The following ZC3H12B variants were observed in gnomAD, a reference collection of about 807,000 sequenced individuals.
The protein encoded by ZC3H12B is zinc finger CCCH-type containing 12B.
A neutral mutation model predicts 43.9 loss-of-function variants in ZC3H12B; 7 were observed. That is an observed-to-expected ratio of 0.16 (90% CI 0.09 to 0.30). The LOEUF is 0.30. Among genes scored for constraint, ZC3H12B ranks in the 10% least tolerant of loss-of-function variants. The pLI, the probability that ZC3H12B is intolerant of heterozygous loss-of-function variation, is 1.00. For synonymous variants in ZC3H12B, 222 were observed against 241.7 expected (o/e 0.92, Z 0.76); for missense variants, 475 against 670.2 (o/e 0.71, Z 3.22).
At chrX:65,240,505 T>A in the ZC3H12B span, among the ~76,000 whole-genome samples, 6 of 111,844 alleles carry the variant, frequency 5.4e-5, no homozygotes, top group Admixed American at 9.5e-5. Flanking sequence ...TGCATTGGGC[T>A]AGAACATGCT....
At chrX:65,229,955 A>T in the ZC3H12B span, among the ~76,000 whole-genome samples, 2 of 111,905 alleles carry the variant, frequency 1.8e-5, no homozygotes. Context: ...AACTAGTTCA[A>T]CCATTGTGGA....
chrX:65,465,689 A>T (rs1367462011), intron 3 of ZC3H12B, among the ~76,000 whole-genome samples: 1 of 110,438 alleles, frequency 9.1e-6, no homozygotes, highest in African/African-American at 3.3e-5. Flanking sequence ...TTTTCCTCCA[A>T]TACTGCCTTA....
At chrX:65,207,592 T>C in the ZC3H12B span, among the ~76,000 whole-genome samples, 1 of 109,918 alleles carries the variant, frequency 9.1e-6, no homozygotes, top group African/African-American at 3.3e-5. Context: ...TAAAGAACTT[T>C]TGAGAAGTCA....
chrX:65,053,960 C>T, the ZC3H12B span, among the ~76,000 whole-genome samples: 1 of 103,996 alleles, frequency 9.6e-6, no homozygotes, highest in East Asian at 2.9e-4. Context: ...GGGTTGTTTG[C>T]TTTTTTCTTG....
At chrX:65,211,979 T>A in the ZC3H12B span, among the ~76,000 whole-genome samples, 1 of 69,482 alleles carries the variant, frequency 1.4e-5, no homozygotes, top group African/African-American at 6.1e-5. Context: ...ATGTATACTA[T>A]ATAATATATA....
rs182998736 is a variant in ZC3H12B at position 65,463,523 on chromosome X, A to T, written n.408-25123A>T. Among the ~76,000 whole-genome samples, 531 of 111,509 alleles carry T rather than the reference A, an allele frequency of 4.8e-3. 2 individuals are homozygous for T. The highest frequency in any genetic ancestry group is 8.1e-3 in the Non-Finnish European group (429 of 53,060). Reference sequence around the variant, plus strand: ...GGTCAATAGAAATTTATTTTCTCACAATTCTGGAGGCCAGAAGTCTGAAAT... The same window carrying T: ...GGTCAATAGAAATTTATTTTCTCACTATTCTGGAGGCCAGAAGTCTGAAAT... On this transcript the variant is annotated intron_variant and non_coding_transcript_variant, in intron 3 of 5. Coordinates refer to the ZC3H12B transcript ENST00000617377.
the ZC3H12B span, among the ~76,000 whole-genome samples, chrX:65,221,782 C>G: frequency 2.7e-5 from 3 of 110,650 alleles, no homozygotes; most frequent in Non-Finnish European, 5.7e-5. Flanking sequence ...AGAATTGGTG[C>G]AAGTCCTGTT....
At chrX:65,036,839 G>A in the ZC3H12B span, among the ~76,000 whole-genome samples, 1 of 110,401 alleles carries the variant, frequency 9.1e-6, no homozygotes, top group Non-Finnish European at 1.9e-5. Context: ...ATCCAATCTA[G>A]TATTCCATTG....
the ZC3H12B span, among the ~76,000 whole-genome samples, chrX:65,211,452 A>T: frequency 4.7e-5 from 5 of 107,299 alleles, no homozygotes; most frequent in Non-Finnish European, 7.7e-5. Context: ...ACCATGCTAA[A>T]TTCTTTAATA....
At chrX:65,431,399 T>C (rs1035863102) in intron 3 of ZC3H12B, among the ~76,000 whole-genome samples, 2 of 112,513 alleles carry the variant, frequency 1.8e-5, no homozygotes, top group African/African-American at 6.5e-5. Flanking sequence ...TATTTGTTTT[T>C]GTTGCTGGCA....
At chrX:65,219,330 A>T in the ZC3H12B span, among the ~76,000 whole-genome samples, 2 of 112,134 alleles carry the variant, frequency 1.8e-5, no homozygotes, top group Admixed American at 9.5e-5. Context: ...TTGCCAAAAA[A>T]AGAATTCAGA....
the ZC3H12B span, among the ~76,000 whole-genome samples, chrX:65,108,228 A>C: frequency 9.0e-6 from 1 of 111,147 alleles, no homozygotes; most frequent in Non-Finnish European, 1.9e-5. Context: ...TTTATTTTTA[A>C]ATTTTTAATA....
At chrX:65,477,592 T>A (rs1484939334) in intron 3 of ZC3H12B, among the ~76,000 whole-genome samples, 2 of 109,999 alleles carry the variant, frequency 1.8e-5, no homozygotes, top group Non-Finnish European at 3.8e-5. Context: ...TGAGGTCAGG[T>A]CTCTACTAAA....
At chrX:65,263,493 C>A in the ZC3H12B span, among the ~76,000 whole-genome samples, 1 of 110,335 alleles carries the variant, frequency 9.1e-6, no homozygotes, top group Non-Finnish European at 1.9e-5. Context: ...ATTAATGGAA[C>A]CATGGTTACA....
chrX:65,326,259 C>T, the ZC3H12B span, among the ~76,000 whole-genome samples: 1 of 111,393 alleles, frequency 9.0e-6, no homozygotes, highest in Admixed American at 9.6e-5. Context: ...TATTTGAAAG[C>T]CATATATTTG....
At chrX:65,083,499 C>A in the ZC3H12B span, among the ~76,000 whole-genome samples, 5 of 111,608 alleles carry the variant, frequency 4.5e-5, no homozygotes, top group African/African-American at 1.6e-4. Context: ...AAAGAGTAAT[C>A]CCATTTACAA....
the ZC3H12B span, among the ~76,000 whole-genome samples, chrX:65,044,119 C>T: frequency 9.0e-6 from 1 of 111,397 alleles, no homozygotes; most frequent in Non-Finnish European, 1.9e-5. Flanking sequence ...GCTGATAAAA[C>T]AAGATAAGGG....
the ZC3H12B span, among the ~76,000 whole-genome samples, chrX:65,213,433 G>A: frequency 2.7e-5 from 3 of 111,238 alleles, no homozygotes; most frequent in Admixed American, 9.7e-5. Flanking sequence ...GGGTATACAG[G>A]TTGAGTATGT....
intron 2 of ZC3H12B, among the ~76,000 whole-genome samples, chrX:65,381,243 A>G (rs1482841371): frequency 2.7e-5 from 3 of 111,884 alleles, no homozygotes; most frequent in Non-Finnish European, 5.6e-5. Context: ...CAGAAATTAT[A>G]ACAAACTATC....
Sources: gnomAD v4.1 joint callset for allele counts (sites outside exome capture counted in the v4.1 genomes callset) on GRCh38, gnomAD v4.1.1 for gene constraint, MANE v1.5 for transcripts, NCBI Gene and HGNC (gene_info 2026-07-23, HGNC 2026-07-21) for gene names.